Variants in GPR149 observed in about 807,000 individuals in gnomAD.
GPR149 encodes probable G protein-coupled receptor 149.
Under a neutral mutation model 50.2 loss-of-function variants are expected in GPR149, and 50 were observed. That is an observed-to-expected ratio of 1.00 (90% CI 0.79 to 1.26). The LOEUF (loss-of-function observed/expected upper bound fraction) is 1.26, where lower values mean the gene tolerates loss of function less well. Among genes scored for constraint, GPR149 ranks in the 50% most tolerant of loss-of-function variants. The pLI, the probability that GPR149 is intolerant of heterozygous loss-of-function variation, is 0.00. For synonymous variants in GPR149, 405 were observed against 358.2 expected, an observed-to-expected ratio of 1.13 and a Z score of -1.48; for missense variants, 983 against 895.4, an observed-to-expected ratio of 1.10 and a Z score of -1.25.
chr3:154,356,187 T>C (rs1245205822), intron 3 of GPR149, among the ~76,000 whole-genome samples: 1 of 152,146 alleles, frequency 6.6e-6, no homozygotes, highest in African/African-American at 2.4e-5. Flanking sequence ...TCACTTGAAG[T>C]GGATGACTTA....
chr3:154,341,791 G>A (rs1576896418), intron 3 of GPR149, among the ~76,000 whole-genome samples: 1 of 152,092 alleles, frequency 6.6e-6, no homozygotes, highest in Non-Finnish European at 1.5e-5. Context: ...AAACAACAAG[G>A]TGGATTCCCA....
At chr3:154,383,363 A>T (rs1714974816) in intron 3 of GPR149, among the ~76,000 whole-genome samples, 2 of 152,172 alleles carry the variant, frequency 1.3e-5, no homozygotes, top group African/African-American at 4.8e-5. Flanking sequence ...ATTAAAGGAA[A>T]TGATTCAAGT....
At chr3:154,380,977 C>G (rs1398766128) in intron 3 of GPR149, among the ~76,000 whole-genome samples, 1 of 152,140 alleles carries the variant, frequency 6.6e-6, no homozygotes, top group Non-Finnish European at 1.5e-5. Flanking sequence ...TCATCAGAAT[C>G]TCTTGGAGAA....
intron 3 of GPR149, among the ~76,000 whole-genome samples, chr3:154,410,063 TG>T (rs1211579688): frequency 6.6e-6 from 1 of 152,180 alleles, no homozygotes. Context: ...TAGAAGGGAT[TG>T]GGGTCCTACT....
intron 2 of GPR149, among the ~76,000 whole-genome samples, chr3:154,426,839 G>T (rs578256053): frequency 6.6e-6 from 1 of 150,482 alleles, no homozygotes; most frequent in Admixed American, 6.6e-5. Context: ...TTTAAACTGA[G>T]GGTTTTGTTT....
intron 3 of GPR149, among the ~76,000 whole-genome samples, chr3:154,386,534 G>A (rs771740127): frequency 1.3e-5 from 2 of 152,316 alleles, no homozygotes; most frequent in African/African-American, 2.4e-5. Context: ...TCAAGGTTGA[G>A]CTTGTATTCA....
At chr3:154,373,402 C>G (rs2108402357) in intron 3 of GPR149, among the ~76,000 whole-genome samples, 1 of 152,242 alleles carries the variant, frequency 6.6e-6, no homozygotes, top group South Asian at 2.1e-4. Flanking sequence ...TACCAGGGGC[C>G]CATACTGGGA....
chr3:154,403,097 G>A (rs1711590276), intron 3 of GPR149, among the ~76,000 whole-genome samples: 2 of 152,072 alleles, frequency 1.3e-5, no homozygotes, highest in South Asian at 2.1e-4. Flanking sequence ...TGTATAGCAG[G>A]GCTTCTGTCT....
chr3:154,373,733 T>G (rs926203500), intron 3 of GPR149, among the ~76,000 whole-genome samples: 1 of 152,190 alleles, frequency 6.6e-6, no homozygotes, highest in Non-Finnish European at 1.5e-5. Context: ...TCTAGAATTC[T>G]CTGTCTTCTA....
chr3:154,426,256 T>C (rs753946919), intron 2 of GPR149, among the ~76,000 whole-genome samples: 1 of 152,180 alleles, frequency 6.6e-6, no homozygotes, highest in Non-Finnish European at 1.5e-5. Context: ...ATGGCATTCT[T>C]AACAATAAAA....
intron 2 of GPR149, among the ~76,000 whole-genome samples, chr3:154,423,090 G>T (rs536382333): frequency 6.6e-6 from 1 of 151,936 alleles, no homozygotes; most frequent in South Asian, 2.1e-4. Context: ...GTTTTTGAAG[G>T]AGTGTGCAGA....
At chr3:154,359,748 C>T (rs1714336894) in intron 3 of GPR149, among the ~76,000 whole-genome samples, 4 of 152,172 alleles carry the variant, frequency 2.6e-5, no homozygotes, top group Admixed American at 2.6e-4. Context: ...AACGAAGTAT[C>T]TTATCCCATA....
chr3:154,370,215 A>G (rs542364294), intron 3 of GPR149, among the ~76,000 whole-genome samples: 6 of 152,266 alleles, frequency 3.9e-5, no homozygotes, highest in Non-Finnish European at 7.4e-5. Context: ...TTATCACCCA[A>G]TCAGTGTCTG....
chr3:154,350,342 T>C (rs1252866319), intron 3 of GPR149, among the ~76,000 whole-genome samples: 2 of 152,250 alleles, frequency 1.3e-5, no homozygotes, highest in Non-Finnish European at 2.9e-5. Flanking sequence ...ATGATTGAGC[T>C]AAGCAAGGTC....
intron 3 of GPR149, among the ~76,000 whole-genome samples, chr3:154,402,351 GGCTATGGTGA>G (rs1711566970): frequency 6.6e-6 from 1 of 151,670 alleles, no homozygotes; most frequent in African/African-American, 2.4e-5. Context: ...AGGAGTTGGA[GGCTATGGTGA>G]GCTATGATCA....
At chr3:154,364,211 C>T (rs58835412) in intron 3 of GPR149, among the ~76,000 whole-genome samples, 22,848 of 152,134 alleles carry the variant, frequency 0.15, 2,233 homozygotes, top group East Asian at 0.47. Context: ...GGGCAGAACC[C>T]ACAGGTCTAA....
At chr3:154,398,998 T>C (rs1715359205) in intron 3 of GPR149, among the ~76,000 whole-genome samples, 1 of 152,216 alleles carries the variant, frequency 6.6e-6, no homozygotes, top group Admixed American at 6.5e-5. Context: ...CATTATGTTA[T>C]AACTTTGATT....
intron 3 of GPR149, among the ~76,000 whole-genome samples, chr3:154,363,679 C>A (rs1714466681): frequency 6.6e-6 from 1 of 152,116 alleles, no homozygotes; most frequent in African/African-American, 2.4e-5. Context: ...TGGATAGAGT[C>A]CATGACAGGA....
chr3:154,428,967 G>A lies in GPR149; in HGVS notation c.649C>T (p.Leu217=). The A allele has an allele frequency of 8.7e-6, 14 of 1,613,918 alleles. No homozygotes were observed. Among genetic ancestry groups the A allele is most frequent in the Non-Finnish European group, 1.2e-5 (14 of 1,179,950 alleles). ...AGTCTCGGCGGCTCCTCCGAACACA[G>A]CAATCGGTGAGTGAGTGGGACTGAG... ...GLSVPLTHRL[L]CSEEPPRLHS... is the part of the protein sequence containing the mutation. Residue 217 remains leucine (L), a synonymous_variant, in exon 1 of 4, where the codon CTG becomes TTG. Transcript: ENST00000389740.
Sources: allele counts gnomAD v4.1 joint callset (sites outside exome capture counted in the v4.1 genomes callset), GRCh38; gene constraint gnomAD v4.1.1; transcripts MANE v1.5; gene names NCBI Gene and HGNC (gene_info 2026-07-23, HGNC 2026-07-21).